ZFHX3: variants seen among roughly 807,000 people sequenced by gnomAD.
The protein encoded by ZFHX3 is zinc finger homeobox 3.
ZFHX3 carries 42 observed loss-of-function variants against 279.1 expected under a neutral mutation model. The ratio of observed to expected loss-of-function variants is 0.15; its 90% confidence interval spans 0.12 to 0.19. The LOEUF (loss-of-function observed/expected upper bound fraction) is 0.19, where lower values mean the gene tolerates loss of function less well. ZFHX3 is among the 10% of genes least tolerant of loss of function. The pLI, the probability that ZFHX3 is intolerant of heterozygous loss-of-function variation, is 1.00. For synonymous variants in ZFHX3, 2,293 were observed against 1,957.8 expected (o/e 1.17, Z -4.52); for missense variants, 4,981 against 4,754.0 (o/e 1.05, Z -1.40).
intron 4 of ZFHX3, among the ~76,000 whole-genome samples, chr16:73,262,835 G>A (rs1031809918): frequency 4.6e-5 from 7 of 152,104 alleles, no homozygotes; most frequent in African/African-American, 1.7e-4. Flanking sequence ...GAAAAAAACC[G>A]GGGTTAGTCT....
intron 1 of ZFHX3, among the ~76,000 whole-genome samples, chr16:73,769,920 G>A (rs913935361): frequency 2.0e-5 from 3 of 152,178 alleles, no homozygotes; most frequent in Non-Finnish European, 2.9e-5. Context: ...AGATGGCTTA[G>A]GTGTGTGAAT....
intron 1 of ZFHX3, among the ~76,000 whole-genome samples, chr16:73,863,647 T>A (rs546907578): frequency 6.6e-6 from 1 of 152,300 alleles, no homozygotes; most frequent in South Asian, 2.1e-4. Context: ...CCAACATAGA[T>A]CAGTTTCTAT....
rs78111956 is a variant in ZFHX3, at chr16:73,613,608, G to C, written c.-1547+66572C>G. Reference sequence around the variant, plus strand: ...TATGAAAGTAAAGTTGAAAGAAATTGCCCTAGCACAGGCCTGATGAGACTT... The same window carrying C: ...TATGAAAGTAAAGTTGAAAGAAATTCCCCTAGCACAGGCCTGATGAGACTT... On this transcript the variant is annotated intron_variant, in intron 2 of 17. Transcript: ENST00000641206. 9.2e-3 allele frequency among the ~76,000 whole-genome samples: 1,401 copies of C among 152,230 alleles called. 21 individuals are homozygous for C. The highest frequency in any genetic ancestry group is 0.033 in the African/African-American group (1,351 of 41,556).
intron 3 of ZFHX3, among the ~76,000 whole-genome samples, chr16:72,936,016 T>C (rs1311219823): frequency 6.6e-6 from 1 of 152,144 alleles, no homozygotes; most frequent in African/African-American, 2.4e-5. Context: ...AACTCACGGG[T>C]GGCCAGCAGC....
intron 3 of ZFHX3, among the ~76,000 whole-genome samples, chr16:73,365,721 C>A (rs1259453569): frequency 6.6e-6 from 1 of 152,220 alleles, no homozygotes; most frequent in African/African-American, 2.4e-5. Context: ...CTCTGGCCCC[C>A]AGCTCACCAA....
intron 1 of ZFHX3, among the ~76,000 whole-genome samples, chr16:73,840,684 G>T (rs113749257): frequency 1.3e-5 from 2 of 152,144 alleles, no homozygotes; most frequent in Non-Finnish European, 2.9e-5. Flanking sequence ...TGTGGTTCTC[G>T]ATAATTCCTT....
intron 3 of ZFHX3, among the ~76,000 whole-genome samples, chr16:72,912,567 T>C (rs2039345222): frequency 6.6e-6 from 1 of 152,140 alleles, no homozygotes; most frequent in South Asian, 2.1e-4. Context: ...TTTTTAAGAC[T>C]TTGAATAAAA....
intron 4 of ZFHX3, among the ~76,000 whole-genome samples, chr16:72,881,823 C>T (rs940061154): frequency 1.3e-5 from 2 of 152,218 alleles, no homozygotes; most frequent in African/African-American, 2.4e-5. Flanking sequence ...CCAGGGACAG[C>T]ACCCCCAACT....
intron 7 of ZFHX3, among the ~76,000 whole-genome samples, chr16:73,103,672 G>T (rs935504650): frequency 1.9e-4 from 29 of 152,120 alleles, no homozygotes; most frequent in Non-Finnish European, 3.4e-4. Context: ...GCATTCTACG[G>T]TCTGATGAAT....
At chr16:73,617,452 C>T (rs986978415) in intron 2 of ZFHX3, among the ~76,000 whole-genome samples, 2 of 152,098 alleles carry the variant, frequency 1.3e-5, no homozygotes, top group Non-Finnish European at 2.9e-5. Flanking sequence ...ATAGGTAGTC[C>T]TGATAGCTTA....
chr16:72,829,519 T>C (rs187502654), intron 5 of ZFHX3: 1 of 459,816 alleles, frequency 2.2e-6, no homozygotes, highest in African/African-American at 1.9e-5. Flanking sequence ...ACCTGGATAC[T>C]CAATAAGCAA....
rs977492487 is a variant in ZFHX3, at chr16:73,391,136, G to A, written c.-1291+64867C>T. 5.3e-5 allele frequency among the ~76,000 whole-genome samples: 8 copies of A among 152,304 alleles called. No homozygotes were observed. The South Asian group carries it at 1.5e-3, about 28-fold the overall frequency. On this transcript the variant is annotated intron_variant, in intron 3 of 17. Coordinates refer to the ZFHX3 transcript ENST00000641206. The stretch of plus-strand genomic sequence containing the variant: ...TGCACAAGGCCCTTAGCCACCTTGG[G>A]CGGACAGGCCCAGCTTGTGCAGTGA...
rs543075674 is a variant in ZFHX3, at chr16:73,494,822, C to A, written c.-1546-38564G>T. 3.3e-5 allele frequency among the ~76,000 whole-genome samples: 5 copies of A among 152,150 alleles called. No individual in the cohort carries two copies. In the South Asian group the frequency reaches 1.0e-3, roughly 32 times the overall value. On this transcript the variant is annotated intron_variant, in intron 2 of 17. Coordinates refer to the ZFHX3 transcript ENST00000641206. ...ACCTCAGGTGATCTGCCCACCTTGG[C>A]CTGCCAAAGTGCTGGGATTACAGGT...
At chr16:73,335,729 G>A (rs895817182) in intron 3 of ZFHX3, among the ~76,000 whole-genome samples, 1 of 152,168 alleles carries the variant, frequency 6.6e-6, no homozygotes, top group African/African-American at 2.4e-5. Flanking sequence ...GATTTGAATT[G>A]AAAGGGGCTG....
chr16:73,325,347 T>C (rs2143208992), intron 3 of ZFHX3, among the ~76,000 whole-genome samples: 1 of 152,256 alleles, frequency 6.6e-6, no homozygotes, highest in African/African-American at 2.4e-5. Context: ...CTAAAAATGG[T>C]GTGGGCAGTG....
At position 72,959,559 on chromosome 16, in the gene ZFHX3, TTGA is replaced by T; in HGVS notation, c.584_586del (p.Ile195del). 6.2e-7 allele frequency: 1 copy of T among 1,614,198 alleles called. No homozygotes were observed. Among genetic ancestry groups the T allele is most frequent in the Non-Finnish European group, 8.5e-7 (1 of 1,180,040 alleles). ...GAAGGATGAGGCTATGTGGAAAGTGTTGATGATCTGCGGGTACACGGGTGCAGC... is the reference window on the plus strand; with the variant it reads ...GAAGGATGAGGCTATGTGGAAAGTGTTGATCTGCGGGTACACGGGTGCAGC... On this transcript the variant is annotated inframe_deletion, in exon 2 of 10. Transcript: ENST00000268489.
chr16:73,283,811 T>C (rs2014519272), intron 4 of ZFHX3, among the ~76,000 whole-genome samples: 1 of 151,908 alleles, frequency 6.6e-6, no homozygotes, highest in Non-Finnish European at 1.5e-5. Context: ...TAGCCAGGCC[T>C]GGTGGTGCAT....
intron 2 of ZFHX3, among the ~76,000 whole-genome samples, chr16:72,956,347 T>C (rs1347620912): frequency 6.6e-6 from 1 of 152,182 alleles, no homozygotes; most frequent in Non-Finnish European, 1.5e-5. Flanking sequence ...TTGTCACTGG[T>C]CCCACGAAGT....
At chr16:73,634,380 C>T (rs1483175219) in intron 2 of ZFHX3, among the ~76,000 whole-genome samples, 1 of 148,442 alleles carries the variant, frequency 6.7e-6, no homozygotes, top group Non-Finnish European at 1.5e-5. Context: ...TCATTTTTTT[C>T]ACTGGGGAAA....
Sources: gnomAD v4.1 joint callset for allele counts (sites outside exome capture counted in the v4.1 genomes callset) on GRCh38, gnomAD v4.1.1 for gene constraint, MANE v1.5 for transcripts, NCBI Gene and HGNC (gene_info 2026-07-23, HGNC 2026-07-21) for gene names.